Variants in PDGFRB observed in about 807,000 individuals in gnomAD.
PDGFRB encodes the protein platelet derived growth factor receptor beta.
A neutral mutation model predicts 120.2 loss-of-function variants in PDGFRB; 42 were observed. That is an observed-to-expected ratio of 0.35 (90% confidence interval 0.27 to 0.45). The LOEUF (loss-of-function observed/expected upper bound fraction) is 0.45. Among genes scored for constraint, PDGFRB ranks in the 20% least tolerant of loss-of-function variants. The pLI is 1.00. For missense variants in PDGFRB, 1,149 were observed against 1,476.3 expected (o/e 0.78, Z 3.63); for synonymous variants, 586 against 606.8 (o/e 0.97, Z 0.50).
At chr5:150,137,169 C>G in intron 1 of PDGFRB, 116 bp from the exon 2 acceptor site, 1 of 779,924 alleles carries the variant, frequency 1.3e-6, no homozygotes, top group East Asian at 2.8e-5. Flanking sequence ...CCTTCATGTC[C>G]GAGGGGCTGA....
Position 150,121,050 on chromosome 5 carries a change from T to C in PDGFRB, c.2464-40A>G. On this transcript the variant is annotated intron_variant, in intron 17 of 22. Transcript: ENST00000261799. The surrounding 1 kb of genome is among the most constrained non-coding windows in gnomAD (Gnocchi z 4.1). ...AGGGGAGCTGAGGCCTTGGGGACAATTGTGGGGAAAGACCCTTCATGTCAA... is the reference window on the plus strand; with the variant it reads ...AGGGGAGCTGAGGCCTTGGGGACAACTGTGGGGAAAGACCCTTCATGTCAA... 6.2e-7 allele frequency: 1 copy of C among 1,609,060 alleles called. No individual in the cohort carries two copies. The highest frequency in any genetic ancestry group is 8.5e-7 in the Non-Finnish European group (1 of 1,175,774).
chr5:150,136,516 C>G (rs1760637379), intron 2 of PDGFRB, among the ~76,000 whole-genome samples: 1 of 152,172 alleles, frequency 6.6e-6, no homozygotes, highest in Non-Finnish European at 1.5e-5. Flanking sequence ...GTCAGGCAGC[C>G]AGTCCATCTT....
intron 1 of PDGFRB, 87 bp from the exon 2 acceptor site, chr5:150,137,140 C>T: frequency 8.5e-7 from 1 of 1,174,002 alleles, no homozygotes; most frequent in Admixed American, 2.2e-5. Context: ...CAGAATGAGC[C>T]CCAGCTTGGG....
intron 15 of PDGFRB, among the ~76,000 whole-genome samples, chr5:150,122,615 A>C (rs1193502153): frequency 6.6e-6 from 1 of 152,256 alleles, no homozygotes; most frequent in Non-Finnish European, 1.5e-5. Context: ...AGAACTAAGA[A>C]GTGTTCTTTT....
intron 20 of PDGFRB, 97 bp from the exon 21 acceptor site, chr5:150,118,949 G>T: frequency 1.4e-6 from 1 of 733,822 alleles, no homozygotes; most frequent in South Asian, 1.7e-5. Flanking sequence ...AGAACAAGGT[G>T]AGCCATGGAA....
chr5:150,118,203 C>T (rs1760022367), intron 21 of PDGFRB, among the ~76,000 whole-genome samples: 1 of 152,168 alleles, frequency 6.6e-6, no homozygotes, highest in Non-Finnish European at 1.5e-5. Flanking sequence ...CTTACTCCAT[C>T]TCCCAGGTCC....
chr5:150,140,135 A>G (rs1249747511), intron 1 of PDGFRB, among the ~76,000 whole-genome samples: 2 of 152,240 alleles, frequency 1.3e-5, no homozygotes, highest in South Asian at 2.1e-4. Flanking sequence ...GCACCCAGAC[A>G]TGACTTCCCA....
chr5:150,134,903 G>C lies in PDGFRB; in HGVS notation c.478C>G (p.Leu160Val), dbSNP rs747877386. 5 of 1,613,940 alleles carry C rather than the reference G, an allele frequency of 3.1e-6. No individual in the cohort carries two copies. The African/African-American group carries it at 6.7e-5, about 22-fold the overall frequency. The change falls in exon 4 of 23, where the codon CTG (leucine) becomes GTG (valine). Residue 160 changes from leucine to valine, a missense_variant. Around this residue, in one of 3 missense-constraint regions of PDGFRB, gnomAD observed 879 missense variants for 1,108.6 expected, o/e 0.79. Coordinates refer to ENST00000261799, the MANE Select transcript of PDGFRB (RefSeq NM_002609.4). ...RVTDPQLVVTLHEKKGDVALP... is the reference protein window; with the variant it reads ...RVTDPQLVVTVHEKKGDVALP... ...GCAACGTCCCCTTTCTTCTCGTGCA[G>C]TGTCACCACCAGCTGTGGGTCTGTT... is the stretch of plus-strand genomic sequence containing the variant.
At position 150,134,761 on chromosome 5, in the gene PDGFRB, T is replaced by C. The variant is rs1253754606; in HGVS notation, c.620A>G (p.Tyr207Cys). 3.7e-6 allele frequency: 6 copies of C among 1,612,486 alleles called. No homozygotes were observed. The highest frequency in any genetic ancestry group is 5.1e-6 in the Non-Finnish European group (6 of 1,179,178). Residue 207 changes from tyrosine (Y) to cysteine (C), a missense_variant, in exon 4 of 23, where the codon TAC (tyrosine) becomes TGC (cysteine). Transcript: ENST00000261799. ...GAAAGGGGGCTCACCCTGGAGTCTG[T>C]AGACATAGTAGGCATCAGAATCCAC... is the stretch of plus-strand genomic sequence containing the variant. ...REVDSDAYYVYRLQVSSINVS... is the reference protein window; with the variant it reads ...REVDSDAYYVCRLQVSSINVS...
intron 10 of PDGFRB, among the ~76,000 whole-genome samples, chr5:150,129,493 G>A (rs778363682): frequency 5.9e-5 from 9 of 152,170 alleles, no homozygotes; most frequent in South Asian, 2.1e-4. Context: ...CATGGCTTAC[G>A]ACATACATAT....
At chr5:150,141,637 T>C (rs983031024) in intron 1 of PDGFRB, among the ~76,000 whole-genome samples, 1 of 151,878 alleles carries the variant, frequency 6.6e-6, no homozygotes, top group Non-Finnish European at 1.5e-5. Flanking sequence ...AAAAAACAGA[T>C]GGATTTGAGA....
Position 150,133,454 on chromosome 5 carries a change from G to A in PDGFRB, c.934+132C>T, listed in dbSNP as rs143166351. On this transcript the variant is annotated intron_variant, in intron 6 of 22. Transcript: ENST00000261799. ...TGACTATACCCCGGGGCTGTGACAG[G>A]CACTGGGTCCAGCTCAGCCCTGATC... 8,573 of 763,726 alleles carry A rather than the reference G, an allele frequency of 0.011. 291 individuals are homozygous for A. The highest frequency in any genetic ancestry group is 0.059 in the Admixed American group (2,968 of 50,386). 47.3% of individuals were successfully genotyped at this position (763,726 alleles called of 1,614,324 possible).
intron 10 of PDGFRB, among the ~76,000 whole-genome samples, chr5:150,128,861 T>G (rs897202378): frequency 1.3e-5 from 2 of 152,248 alleles, no homozygotes; most frequent in African/African-American, 4.8e-5. Context: ...CAGGCAGGGC[T>G]GAGCCCTTTG....
intron 14 of PDGFRB, 108 bp from the exon 15 acceptor site, chr5:150,123,309 G>A (rs989942246): frequency 1.2e-5 from 10 of 804,326 alleles, no homozygotes; most frequent in Admixed American, 4.5e-5. Context: ...TTGGCATGAC[G>A]GCTAGGAGGC....
At chr5:150,134,320 C>A (rs73796326) in intron 4 of PDGFRB, among the ~76,000 whole-genome samples, 366 of 152,236 alleles carry the variant, frequency 2.4e-3, no homozygotes, top group African/African-American at 8.6e-3. Flanking sequence ...ATAACATGTG[C>A]CAGGTACTCT....
intron 10 of PDGFRB, among the ~76,000 whole-genome samples, chr5:150,127,833 TAAA>T (rs56899708): frequency 0.03 from 1,844 of 62,394 alleles, 81 homozygotes; most frequent in African/African-American, 0.13. Flanking sequence ...GACTCCATCT[TAAA>T]AAAAAAAAAA....
chr5:150,126,678 T>TATGATGCCAAAGA, intron 10 of PDGFRB, 64 bp from the exon 11 acceptor site: 2 of 848,314 alleles, frequency 2.4e-6, no homozygotes, highest in Non-Finnish European at 4.1e-6. Context: ...TCACCCCATC[T>TATGATGCCAAAGA]TTGGCATCAT....
At chr5:150,148,567 C>A (rs1445458737) in intron 1 of PDGFRB, among the ~76,000 whole-genome samples, 1 of 152,260 alleles carries the variant, frequency 6.6e-6, no homozygotes, top group African/African-American at 2.4e-5. Flanking sequence ...GGGAGCCCCG[C>A]CAGGCTGGGA....
chr5:150,143,186 T>G (rs1397971622), intron 1 of PDGFRB, among the ~76,000 whole-genome samples: 1 of 152,216 alleles, frequency 6.6e-6, no homozygotes, highest in African/African-American at 2.4e-5. Flanking sequence ...AGCACAAAAT[T>G]TAAAGCTTGT....
Sources: allele counts gnomAD v4.1 joint callset (sites outside exome capture counted in the v4.1 genomes callset), GRCh38; gene constraint gnomAD v4.1.1; regional missense constraint gnomAD v4.1.1; non-coding constraint Gnocchi (gnomAD v3.1); transcripts MANE v1.5; gene names NCBI Gene and HGNC (gene_info 2026-07-23, HGNC 2026-07-21).